The following ZNF684 variants were observed in gnomAD, a reference collection of about 807,000 sequenced individuals.
ZNF684 encodes the protein hypothetical protein MGC27466.
ZNF684 carries 13 observed loss-of-function variants against 12.8 expected under a neutral mutation model. That is an observed-to-expected ratio of 1.02 (90% CI 0.66 to 1.62). The LOEUF (loss-of-function observed/expected upper bound fraction) is 1.62, where lower values mean the gene tolerates loss of function less well. Ranked by LOEUF, ZNF684 falls within the 40% of genes most tolerant of loss-of-function variation. The pLI is 0.00. For synonymous variants in ZNF684, 118 were observed against 151.8 expected (o/e 0.78, Z 1.64); for missense variants, 384 against 446.9 (o/e 0.86, Z 1.27).
chr1:40,541,383 C>A (rs1646014708), intron 3 of ZNF684: 1 of 307,946 alleles, frequency 3.2e-6, no homozygotes, highest in Non-Finnish European at 6.5e-6. Context: ...CAGGGTCTCA[C>A]TGTGTTAGCC....
intron 4 of ZNF684, 66 bp from the exon 5 acceptor site, chr1:40,546,496 C>A (rs561282740): frequency 6.4e-6 from 9 of 1,403,476 alleles, no homozygotes; most frequent in Non-Finnish European, 8.6e-6. Context: ...AAATTATAGA[C>A]GTTTTTCTCT....
At chr1:40,534,380 A>AG (rs1645973740) in intron 2 of ZNF684, among the ~76,000 whole-genome samples, 1 of 149,708 alleles carries the variant, frequency 6.7e-6, no homozygotes, top group Non-Finnish European at 1.5e-5. Flanking sequence ...AGGTGGGATT[A>AG]CAGGTGCCCG....
chr1:40,533,039 G>T, intron 1 of ZNF684, 104 bp from the exon 2 acceptor site: 1 of 854,002 alleles, frequency 1.2e-6, no homozygotes, highest in Non-Finnish European at 1.8e-6. Flanking sequence ...ATTTTCTGAG[G>T]CTGCAGTGTG....
At chr1:40,542,567 A>C (rs1300543945) in intron 4 of ZNF684, among the ~76,000 whole-genome samples, 1 of 152,138 alleles carries the variant, frequency 6.6e-6, no homozygotes, top group East Asian at 1.9e-4. Flanking sequence ...TAACTCCCTC[A>C]GAAGCCTCAT....
At chr1:40,532,151 G>A (rs527481377) in intron 1 of ZNF684, among the ~76,000 whole-genome samples, 4 of 152,188 alleles carry the variant, frequency 2.6e-5, no homozygotes, top group Non-Finnish European at 4.4e-5. Flanking sequence ...GAAACTGTAA[G>A]CTATTTCAAG....
In ZNF684 at chr1:40,540,617, A is replaced by G. The variant is rs757183942; in HGVS notation, c.47A>G (p.Asp16Gly). Residue 16 changes from aspartate to glycine, a missense_variant, in exon 3 of 5, where the codon GAT becomes GGT. Transcript: ENST00000372699. ...GTGACATTCCAGGATGTGGCTGTGG[A>G]TTTCACTGCAGAGGAGTGGCAGCTG... ...ESVTFQDVAV[D>G]FTAEEWQLLD... 5 of 1,611,354 alleles carry G rather than the reference A, an allele frequency of 3.1e-6. No individual in the cohort carries two copies. Among genetic ancestry groups the G allele is most frequent in the Admixed American group, 1.7e-5 (1 of 59,470 alleles).
intron 2 of ZNF684, among the ~76,000 whole-genome samples, chr1:40,533,823 CTTTTT>C (rs574077502): frequency 1.0e-4 from 13 of 123,918 alleles, no homozygotes; most frequent in Admixed American, 1.8e-4. Context: ...GTTAGGTATT[CTTTTT>C]TTTTTTTTTT....
intron 2 of ZNF684, among the ~76,000 whole-genome samples, chr1:40,533,593 G>A (rs1408756837): frequency 1.3e-5 from 2 of 152,164 alleles, no homozygotes; most frequent in Non-Finnish European, 2.9e-5. Context: ...GGTTTCCTAT[G>A]ACTTTCTTAG....
intron 4 of ZNF684, chr1:40,544,708 T>G (rs996956713): frequency 6.5e-6 from 1 of 154,018 alleles, no homozygotes; most frequent in East Asian, 1.9e-4. Context: ...TCAATGCACA[T>G]TAACATTGCA....
chr1:40,537,994 C>T (rs1645994297), intron 2 of ZNF684, among the ~76,000 whole-genome samples: 1 of 152,036 alleles, frequency 6.6e-6, no homozygotes, highest in African/African-American at 2.4e-5. Flanking sequence ...TGACTGGCTT[C>T]TTTCACCCAA....
intron 3 of ZNF684, among the ~76,000 whole-genome samples, chr1:40,541,014 G>C (rs1404445104): frequency 7.3e-6 from 1 of 136,498 alleles, no homozygotes; most frequent in Non-Finnish European, 1.5e-5. Flanking sequence ...CTGGGTGACA[G>C]AGTGAGACCC....
At chr1:40,535,794 AC>A (rs1360632536) in intron 2 of ZNF684, among the ~76,000 whole-genome samples, 1 of 152,098 alleles carries the variant, frequency 6.6e-6, no homozygotes, top group Non-Finnish European at 1.5e-5. Context: ...CCTGGAATAA[AC>A]CCTTCCTAGT....
At position 40,546,693 on chromosome 1, in the gene ZNF684, A is replaced by G; in HGVS notation, c.370A>G (p.Ser124Gly). 6.2e-7 allele frequency: 1 copy of G among 1,613,676 alleles called. No homozygotes were observed. The highest frequency in any genetic ancestry group is 8.5e-7 in the Non-Finnish European group (1 of 1,179,910). Residue 124 changes from serine (S) to glycine (G), a missense_variant, in exon 5 of 5, where the codon AGT (serine) becomes GGT (glycine). Physicochemically the swap from Ser to Gly is moderately conservative, Grantham distance 56 (BLOSUM62 0). Coordinates refer to ENST00000372699, the MANE Select transcript of ZNF684 (RefSeq NM_152373.4). ...ERIHHYNMST[S>G]LNPMRKKSYK... ...AATCCACCATTATAATATGAGCACA[A>G]GTCTTAATCCAATGAGAAAAAAATC...
rs976963168 is a variant in ZNF684, at chr1:40,536,158, C to T, written c.15+2977C>T. ...CCTGTAATCCCAGCACTTTGGGAGG[C>T]TGAGGCGGGCAGATCACGAGGTCAG... On this transcript the variant is annotated intron_variant, in intron 2 of 4. Transcript: ENST00000372699. Among the ~76,000 whole-genome samples the T allele has an allele frequency of 3.9e-5, 6 of 152,126 alleles. No homozygotes were observed. In the East Asian group the frequency reaches 5.8e-4, roughly 15 times the overall value.
intron 2 of ZNF684, among the ~76,000 whole-genome samples, chr1:40,535,298 T>C (rs1451261677): frequency 6.6e-6 from 1 of 152,238 alleles, no homozygotes; most frequent in South Asian, 2.1e-4. Context: ...CACAGTACAG[T>C]TGGCCCTGTG....
At chr1:40,541,474 C>G (rs1278705110) in intron 3 of ZNF684, 141 bp from the exon 4 acceptor site, 1 of 605,440 alleles carries the variant, frequency 1.7e-6, no homozygotes, top group Non-Finnish European at 3.0e-6. Flanking sequence ...TGAGCCACCG[C>G]GCCCAGCCTG....
At chr1:40,541,754 C>T (rs780360668) in intron 4 of ZNF684, 44 bp downstream of exon 4, 1 of 1,524,868 alleles carries the variant, frequency 6.6e-7, no homozygotes, top group Non-Finnish European at 9.1e-7. Flanking sequence ...AGTTGAGATC[C>T]CCATTGGTCA....
At chr1:40,535,448 CTGAGTA>C (rs1384463881) in intron 2 of ZNF684, among the ~76,000 whole-genome samples, 3 of 152,170 alleles carry the variant, frequency 2.0e-5, no homozygotes, top group Non-Finnish European at 4.4e-5. Flanking sequence ...GCAAAAAAAT[CTGAGTA>C]TAAGTGGAAC....
intron 2 of ZNF684, among the ~76,000 whole-genome samples, 182 bp from the exon 3 acceptor site, chr1:40,540,404 A>G (rs1198319549): frequency 6.6e-6 from 1 of 152,190 alleles, no homozygotes; most frequent in African/African-American, 2.4e-5. Context: ...CCAGTTGGAT[A>G]TGTTTAATAA....
Sources: allele counts gnomAD v4.1 joint callset (sites outside exome capture counted in the v4.1 genomes callset), GRCh38; gene constraint gnomAD v4.1.1; transcripts MANE v1.5; gene names NCBI Gene and HGNC (gene_info 2026-07-23, HGNC 2026-07-21).